IQCM: variants seen among roughly 807,000 people sequenced by gnomAD.
IQCM encodes IQ motif containing M, also known as IQ domain-containing protein M.
A neutral mutation model predicts 57.6 loss-of-function variants in IQCM; 45 were observed. The observed-to-expected ratio is 0.78, with a 90% CI of 0.62 to 1.00. IQCM has a LOEUF of 1.00. IQCM is among the 50% of genes least tolerant of loss of function. The pLI is 0.00. For synonymous variants in IQCM, 148 were observed against 158.9 expected, an observed-to-expected ratio of 0.93 and a Z score of 0.51; for missense variants, 468 against 511.6, an observed-to-expected ratio of 0.91 and a Z score of 0.82.
intron 12 of IQCM, among the ~76,000 whole-genome samples, chr4:149,539,822 A>G (rs1243099248): frequency 6.6e-6 from 1 of 152,140 alleles, no homozygotes; most frequent in Non-Finnish European, 1.5e-5. Flanking sequence ...CCAAGATGGC[A>G]CCACTGCACT....
At chr4:149,776,073 C>G (rs888264874) in intron 2 of IQCM, among the ~76,000 whole-genome samples, 10 of 152,176 alleles carry the variant, frequency 6.6e-5, no homozygotes, top group African/African-American at 2.2e-4. Context: ...TTTAAGGCTA[C>G]AAGGAACTTT....
intron 9 of IQCM, 107 bp downstream of exon 9, chr4:149,587,823 C>T (rs1035708283): frequency 1.0e-4 from 47 of 465,438 alleles, no homozygotes; most frequent in African/African-American, 2.0e-4. Flanking sequence ...CCTGAGCTTT[C>T]AACAACCTAT....
At chr4:149,654,631 T>C (rs1316544128) in intron 7 of IQCM, among the ~76,000 whole-genome samples, 8 of 152,160 alleles carry the variant, frequency 5.3e-5, no homozygotes, top group Non-Finnish European at 1.5e-5. Flanking sequence ...TACTTCTTTA[T>C]AGCAATGCAA....
intron 12 of IQCM, among the ~76,000 whole-genome samples, chr4:149,471,215 C>T (rs1739501247): frequency 6.6e-6 from 1 of 152,026 alleles, no homozygotes; most frequent in Admixed American, 6.6e-5. Flanking sequence ...AATTGATAGA[C>T]CTCTAGCAAG....
intron 13 of IQCM, among the ~76,000 whole-genome samples, chr4:149,416,469 A>G (rs962930717): frequency 6.6e-5 from 10 of 151,924 alleles, no homozygotes; most frequent in Non-Finnish European, 1.0e-4. Flanking sequence ...GTGTTTCTCA[A>G]TTTTTGGTAT....
chr4:149,743,322 T>C (rs769357006), intron 2 of IQCM, among the ~76,000 whole-genome samples: 6 of 152,144 alleles, frequency 3.9e-5, no homozygotes, highest in Admixed American at 3.3e-4. Flanking sequence ...ACCTCTTCCA[T>C]GACCACCCAG....
chr4:149,537,965 T>C (rs1389376251), intron 12 of IQCM, among the ~76,000 whole-genome samples: 2 of 151,570 alleles, frequency 1.3e-5, no homozygotes, highest in Non-Finnish European at 3.0e-5. Context: ...AGACACCAGA[T>C]GGTAACTCAT....
chr4:149,358,987 G>A (rs1048388601), intron 13 of IQCM, among the ~76,000 whole-genome samples: 7 of 141,338 alleles, frequency 5.0e-5, no homozygotes, highest in African/African-American at 1.9e-4. Flanking sequence ...AGAGGGAAAA[G>A]TAAAAAGAAA....
intron 12 of IQCM, among the ~76,000 whole-genome samples, chr4:149,498,285 T>G (rs1742877995): frequency 6.6e-6 from 1 of 152,158 alleles, no homozygotes; most frequent in Admixed American, 6.5e-5. Context: ...CAACATTTTA[T>G]TTCTGCCTAT....
intron 7 of IQCM, among the ~76,000 whole-genome samples, chr4:149,661,032 T>C (rs1481719785): frequency 1.3e-5 from 2 of 151,982 alleles, no homozygotes; most frequent in Non-Finnish European, 2.9e-5. Context: ...AAAATAAAGA[T>C]AAATGGGTAT....
intron 5 of IQCM, among the ~76,000 whole-genome samples, chr4:149,720,978 G>C (rs898839140): frequency 6.6e-6 from 1 of 152,030 alleles, no homozygotes; most frequent in Non-Finnish European, 1.5e-5. Flanking sequence ...ATGGCTCCTA[G>C]TCTTAAATTC....
intron 13 of IQCM, among the ~76,000 whole-genome samples, chr4:149,399,339 C>T (rs1732451892): frequency 6.6e-6 from 1 of 151,736 alleles, no homozygotes; most frequent in South Asian, 2.1e-4. Context: ...GATAATACAA[C>T]AAACAATAGC....
intron 12 of IQCM, among the ~76,000 whole-genome samples, chr4:149,489,839 T>C (rs1741905560): frequency 6.6e-6 from 1 of 151,914 alleles, no homozygotes; most frequent in Admixed American, 6.6e-5. Context: ...ATACAGCTTT[T>C]ATCATTCTAT....
At chr4:149,481,599 C>A (rs2149751458) in intron 12 of IQCM, among the ~76,000 whole-genome samples, 1 of 149,540 alleles carries the variant, frequency 6.7e-6, no homozygotes, top group Admixed American at 6.7e-5. Flanking sequence ...CAATTCTGTT[C>A]CATTGGTCTA....
At chr4:149,508,278 C>T (rs934000574) in intron 12 of IQCM, among the ~76,000 whole-genome samples, 1 of 152,006 alleles carries the variant, frequency 6.6e-6, no homozygotes, top group Non-Finnish European at 1.5e-5. Context: ...GGGCCACCAT[C>T]CTCCAGACTC....
At chr4:149,449,806 C>A (rs554340671) in intron 12 of IQCM, among the ~76,000 whole-genome samples, 3 of 151,784 alleles carry the variant, frequency 2.0e-5, no homozygotes, top group African/African-American at 2.4e-5. Flanking sequence ...GATTTCAATG[C>A]AATCCCTATC....
At chr4:149,605,080 A>C (rs1209669050) in intron 8 of IQCM, among the ~76,000 whole-genome samples, 1 of 152,178 alleles carries the variant, frequency 6.6e-6, no homozygotes, top group East Asian at 1.9e-4. Context: ...CAGTATTACT[A>C]ATGTGTATGG....
chr4:149,707,251 G>T (rs944035382), intron 5 of IQCM, among the ~76,000 whole-genome samples: 1 of 152,004 alleles, frequency 6.6e-6, no homozygotes, highest in African/African-American at 2.4e-5. Context: ...ATTTATTTGT[G>T]ATTTTAGCTT....
intron 13 of IQCM, among the ~76,000 whole-genome samples, chr4:149,396,744 C>T (rs1038478398): frequency 2.6e-5 from 4 of 151,950 alleles, no homozygotes; most frequent in African/African-American, 9.7e-5. Flanking sequence ...CTGGAACTAC[C>T]ATTCCACTCT....
Sources: allele counts gnomAD v4.1 joint callset (sites outside exome capture counted in the v4.1 genomes callset), GRCh38; gene constraint gnomAD v4.1.1; transcripts MANE v1.5; gene names NCBI Gene and HGNC (gene_info 2026-07-23, HGNC 2026-07-21).